The following COMMD1 variants were observed in gnomAD, a reference collection of about 807,000 sequenced individuals.
COMMD1 encodes copper metabolism domain containing 1.
In COMMD1, 10 loss-of-function variants were observed where a neutral mutation model predicts 17.2. That is an observed-to-expected ratio of 0.58 (90% CI 0.36 to 0.99). COMMD1 has a LOEUF of 0.99. Ranked by LOEUF, COMMD1 falls within the 50% of genes least tolerant of loss-of-function variation. The probability of loss-of-function intolerance (pLI) is 0.01; values close to 1 mark genes in which losing one functional copy is unlikely to be tolerated. For synonymous variants in COMMD1, 97 were observed against 91.6 expected (o/e 1.06, Z -0.34); for missense variants, 270 against 231.8 (o/e 1.17, Z -1.07).
chr2:62,134,172 T>C (rs1405802638), intron 2 of COMMD1, among the ~76,000 whole-genome samples: 2 of 152,086 alleles, frequency 1.3e-5, no homozygotes, highest in Non-Finnish European at 2.9e-5. Context: ...TATTTTTCCA[T>C]CTGTTGAGTC....
chr2:62,008,392 A>ATG (rs1489403882), intron 2 of COMMD1, among the ~76,000 whole-genome samples: 1 of 151,708 alleles, frequency 6.6e-6, no homozygotes, highest in Non-Finnish European at 1.5e-5. Context: ...ACACACACAT[A>ATG]TATATTTGTT....
intron 1 of COMMD1, among the ~76,000 whole-genome samples, chr2:61,951,266 C>G (rs1426965147): frequency 6.6e-6 from 1 of 152,092 alleles, no homozygotes; most frequent in Non-Finnish European, 1.5e-5. Flanking sequence ...GAGTTCAAGA[C>G]CAGCCTGGCA....
At chr2:62,027,862 C>T (rs1485887599) in intron 2 of COMMD1, among the ~76,000 whole-genome samples, 1 of 151,976 alleles carries the variant, frequency 6.6e-6, no homozygotes, top group African/African-American at 2.4e-5. Context: ...CAATTTCTTG[C>T]TATGTTGCTC....
chr2:62,094,453 A>C lies in COMMD1; in HGVS notation c.463-41378A>C, dbSNP rs1385276934. Among the ~76,000 whole-genome samples, 3 of 152,172 alleles carry C rather than the reference A, an allele frequency of 2.0e-5. No homozygotes were observed. The East Asian group carries it at 5.8e-4, about 29-fold the overall frequency. On this transcript the variant is annotated intron_variant, in intron 2 of 2. Transcript: ENST00000311832. ...GATCTAACCGTTGACTGAAATAACC[A>C]GTTGGTCTGTGATTGTCACCATATT...
intron 2 of COMMD1, among the ~76,000 whole-genome samples, chr2:62,134,575 C>T (rs1020872762): frequency 2.0e-5 from 3 of 150,432 alleles, no homozygotes; most frequent in Non-Finnish European, 4.4e-5. Context: ...GGGCAACATA[C>T]TGATCCTCCC....
intron 2 of COMMD1, among the ~76,000 whole-genome samples, chr2:62,011,031 CAGGGATCTTCAGGACCTGTATACT>C (rs1041894892): frequency 1.3e-5 from 2 of 152,154 alleles, no homozygotes; most frequent in Non-Finnish European, 2.9e-5. Context: ...TGAAACATTC[CAGGGATCTTCAGGACCTGTATACT>C]TGCTCTTGCC....
intron 1 of COMMD1, among the ~76,000 whole-genome samples, chr2:61,938,668 T>C (rs1214321864): frequency 6.6e-6 from 1 of 152,182 alleles, no homozygotes; most frequent in Non-Finnish European, 1.5e-5. Flanking sequence ...GATTCTTTCT[T>C]GTGGAGAGGC....
At chr2:61,902,489 G>A (rs180873541), upstream of COMMD1, among the ~76,000 whole-genome samples, 87 of 151,140 alleles carry the variant, frequency 5.8e-4, 1 homozygote, top group East Asian at 8.7e-3. Context: ...CAGCCTGGGC[G>A]ACAAGAGCGA....
chr2:62,034,081 C>G (rs1421141781), intron 2 of COMMD1, among the ~76,000 whole-genome samples: 2 of 138,572 alleles, frequency 1.4e-5, no homozygotes, highest in East Asian at 4.1e-4. Flanking sequence ...AGAGCAAGAC[C>G]CTGTCTCAAA....
At chr2:61,900,563 A>G (rs1464771449) in intron 1 of COMMD1, among the ~76,000 whole-genome samples, 4 of 152,208 alleles carry the variant, frequency 2.6e-5, no homozygotes, top group Admixed American at 2.6e-4. Flanking sequence ...TTTAACATTA[A>G]TGCCAGTCAG....
intron 2 of COMMD1, among the ~76,000 whole-genome samples, chr2:62,045,724 AAGTTAATTT>A (rs1670364432): frequency 6.9e-6 from 1 of 144,400 alleles, no homozygotes; most frequent in East Asian, 2.0e-4. Flanking sequence ...CTTTACTTTC[AAGTTAATTT>A]TTTTTTTTTT....
At chr2:61,960,184 C>T (rs1671304533) in intron 1 of COMMD1, among the ~76,000 whole-genome samples, 1 of 152,032 alleles carries the variant, frequency 6.6e-6, no homozygotes, top group Non-Finnish European at 1.5e-5. Flanking sequence ...GAAATTGTGA[C>T]TTTTTATAAT....
At chr2:61,976,556 C>G (rs1429592166) in intron 1 of COMMD1, among the ~76,000 whole-genome samples, 1 of 152,168 alleles carries the variant, frequency 6.6e-6, no homozygotes, top group Non-Finnish European at 1.5e-5. Context: ...GATGAATCCA[C>G]TATTTATAGT....
intron 2 of COMMD1, among the ~76,000 whole-genome samples, chr2:62,055,950 C>G: frequency 6.6e-6 from 1 of 152,162 alleles, no homozygotes; most frequent in Non-Finnish European, 1.5e-5. Flanking sequence ...CTGTATTTTT[C>G]AGGAGGATGT....
chr2:62,041,569 T>C (rs67154776), intron 2 of COMMD1, among the ~76,000 whole-genome samples: 15,978 of 152,144 alleles, frequency 0.11, 949 homozygotes, highest in Non-Finnish European at 0.13. Context: ...TTCTGTGTTT[T>C]GTGTGGAGAT....
At chr2:62,009,866 T>C (rs1460506910) in intron 2 of COMMD1, among the ~76,000 whole-genome samples, 2 of 152,174 alleles carry the variant, frequency 1.3e-5, no homozygotes, top group Non-Finnish European at 2.9e-5. Flanking sequence ...GAAAGGACTA[T>C]TCTTGTGAAT....
chr2:62,135,918 A>G lies in COMMD1; in HGVS notation c.550A>G (p.Thr184Ala), dbSNP rs1673181995. 1 of 1,593,072 alleles carries G rather than the reference A, an allele frequency of 6.3e-7. No individual in the cohort carries two copies. Among genetic ancestry groups the G allele is most frequent in the African/African-American group, 1.3e-5 (1 of 74,522 alleles). The change falls in exon 3 of 3, where the codon ACA (threonine) becomes GCA (alanine). Residue 184 changes from threonine to alanine, a missense_variant. Coordinates refer to ENST00000311832, the MANE Select transcript of COMMD1 (RefSeq NM_152516.4). ...TLSEVEESIS[T>A]LISQPN is the part of the protein sequence containing the mutation. ...GTCAGAGGTAGAAGAAAGTATCAGC[A>G]CACTGATCAGCCAGCCTAACTGAAG...
intron 1 of COMMD1, among the ~76,000 whole-genome samples, chr2:61,963,185 T>TA (rs1422002132): frequency 3.1e-5 from 4 of 129,754 alleles, no homozygotes; most frequent in African/African-American, 1.3e-4. Context: ...TATATATATA[T>TA]TATATACACA....
At chr2:62,121,370 T>TAAAAAAA (rs1289823352) in intron 2 of COMMD1, among the ~76,000 whole-genome samples, 1 of 15,024 alleles carries the variant, frequency 6.7e-5, no homozygotes, top group Non-Finnish European at 1.0e-4. Context: ...AGACTCTTTC[T>TAAAAAAA]CAAAAAAAAA....
Sources: gnomAD v4.1 joint callset for allele counts (sites outside exome capture counted in the v4.1 genomes callset) on GRCh38, gnomAD v4.1.1 for gene constraint, MANE v1.5 for transcripts, NCBI Gene and HGNC (gene_info 2026-07-23, HGNC 2026-07-21) for gene names.